Variants in ANLN observed in about 807,000 individuals in gnomAD.
ANLN encodes anillin, actin binding protein.
A neutral mutation model predicts 135.1 loss-of-function variants in ANLN; 59 were observed. The observed-to-expected ratio is 0.44, with a 90% CI of 0.35 to 0.54. The LOEUF is 0.54. ANLN is among the 20% of genes least tolerant of loss of function. ANLN has a pLI of 0.00. For missense variants in ANLN, 1,182 were observed against 1,340.0 expected, an observed-to-expected ratio of 0.88 and a Z score of 1.84; for synonymous variants, 406 against 456.4, an observed-to-expected ratio of 0.89 and a Z score of 1.41.
At chr7:36,433,538 G>C (rs1788412272) in intron 20 of ANLN, among the ~76,000 whole-genome samples, 1 of 151,840 alleles carries the variant, frequency 6.6e-6, no homozygotes, top group South Asian at 2.1e-4. Flanking sequence ...TATCCTGTTT[G>C]GTTTCACTGA....
In ANLN at chr7:36,400,069, C is replaced by T. The variant is rs780885608; in HGVS notation, c.487+676C>T. Among the ~76,000 whole-genome samples, 6 of 151,108 alleles carry T rather than the reference C, an allele frequency of 4.0e-5. No individual in the cohort carries two copies. In the East Asian group the frequency reaches 5.8e-4, roughly 15 times the overall value. On this transcript the variant is annotated intron_variant, in intron 3 of 23. Coordinates refer to ENST00000265748, the MANE Select transcript of ANLN (RefSeq NM_018685.5). Reference sequence around the variant, plus strand: ...ATGAAGTCAAGGTGAAGAGAAAATACGGGAAGGGAAAACAAAGAAGTGAAA... The same window carrying T: ...ATGAAGTCAAGGTGAAGAGAAAATATGGGAAGGGAAAACAAAGAAGTGAAA...
At chr7:36,425,841 A>C (rs1583632558) in intron 18 of ANLN, 101 bp downstream of exon 18, 5 of 1,313,630 alleles carry the variant, frequency 3.8e-6, no homozygotes, top group Non-Finnish European at 5.4e-6. Context: ...AGCACTGTGG[A>C]AAATTTTAAC....
At chr7:36,412,222 G>A (rs1454498241) in intron 7 of ANLN, among the ~76,000 whole-genome samples, 1 of 149,990 alleles carries the variant, frequency 6.7e-6, no homozygotes, top group Non-Finnish European at 1.5e-5. Context: ...TGCTATTACC[G>A]AAGTTACTGC....
intron 1 of ANLN, among the ~76,000 whole-genome samples, chr7:36,391,421 G>A (rs1786456403): frequency 6.6e-6 from 1 of 152,188 alleles, no homozygotes. Flanking sequence ...TCTGAAGGTA[G>A]TACAAATCTC....
At chr7:36,405,998 C>T (rs551763253) in intron 3 of ANLN, among the ~76,000 whole-genome samples, 183 bp from the exon 4 acceptor site, 5 of 152,028 alleles carry the variant, frequency 3.3e-5, no homozygotes, top group South Asian at 2.1e-4. Context: ...GATTTAATAT[C>T]ATTTGATTTA....
In ANLN at chr7:36,399,218, G is replaced by A; in HGVS notation, c.312G>A (p.Gln104=). The stretch of plus-strand genomic sequence containing the variant: ...GTTCTCCAAGTCCTGTGTCTCCTCA[G>A]GTGCAGCCACAAGCAGCAGATACCA... ...KSCSPSPVSP[Q]VQPQAADTIS... is the part of the protein sequence containing the mutation. The change falls in exon 3 of 24, where the codon CAG becomes CAA. Residue 104 remains glutamine, a synonymous_variant. Coordinates refer to ENST00000265748, the MANE Select transcript of ANLN (RefSeq NM_018685.5). The A allele has an allele frequency of 4.3e-6, 7 of 1,614,150 alleles. No individual in the cohort carries two copies. The highest frequency in any genetic ancestry group is 5.9e-6 in the Non-Finnish European group (7 of 1,180,030).
chr7:36,431,616 TA>T (rs72244955), intron 20 of ANLN, among the ~76,000 whole-genome samples: 16,124 of 57,158 alleles, frequency 0.28, 2,367 homozygotes, highest in Non-Finnish European at 0.34. Context: ...TATATATATA[TA>T]ATATATATAT....
chr7:36,408,618 A>G (rs550398238), intron 5 of ANLN, among the ~76,000 whole-genome samples: 4 of 152,316 alleles, frequency 2.6e-5, no homozygotes, highest in South Asian at 4.1e-4. Flanking sequence ...GAAGTATACA[A>G]TAGATTATTG....
chr7:36,446,183 A>G (rs1788991121), intron 22 of ANLN, among the ~76,000 whole-genome samples: 1 of 152,256 alleles, frequency 6.6e-6, no homozygotes, highest in East Asian at 1.9e-4. Flanking sequence ...CTGCTAGTCT[A>G]TTGCTTTGTG....
intron 8 of ANLN, 30 bp downstream of exon 8, chr7:36,415,914 T>C: frequency 6.6e-7 from 1 of 1,513,712 alleles, no homozygotes; most frequent in Non-Finnish European, 8.9e-7. Context: ...TCATGGTTAG[T>C]ATGTAGAAAC....
intron 22 of ANLN, among the ~76,000 whole-genome samples, chr7:36,447,824 G>A (rs866373109): frequency 6.6e-6 from 1 of 152,066 alleles, no homozygotes; most frequent in South Asian, 2.1e-4. Context: ...TTTGTTTCTA[G>A]AATTTTTCTT....
intron 19 of ANLN, 61 bp from the exon 20 acceptor site, chr7:36,426,855 T>C: frequency 9.9e-7 from 1 of 1,013,468 alleles, no homozygotes; most frequent in Admixed American, 2.7e-5. Flanking sequence ...GGGTGAGGAA[T>C]TGTTACTTAT....
Position 36,396,340 on chromosome 7 carries a change from A to G in ANLN, c.93A>G (p.Pro31=). 6.2e-7 allele frequency: 1 copy of G among 1,610,412 alleles called. No homozygotes were observed. The highest frequency in any genetic ancestry group is 8.5e-7 in the Non-Finnish European group (1 of 1,177,240). The part of the protein sequence containing the change: ...RKMAERPTAA[P]RSMTHAKRAR... ...TGGCTGAGAGGCCCACAGCAGCTCC[A>G]AGGTCTATGACTCATGCTAAGCGAG... Residue 31 remains proline, a synonymous_variant, in exon 2 of 24, where the codon CCA becomes CCG. Coordinates refer to ENST00000265748, the MANE Select transcript of ANLN (RefSeq NM_018685.5).
At chr7:36,438,850 G>A (rs961911852) in intron 20 of ANLN, among the ~76,000 whole-genome samples, 2 of 152,108 alleles carry the variant, frequency 1.3e-5, no homozygotes, top group African/African-American at 4.8e-5. Flanking sequence ...TTTATTGCTG[G>A]GTGGTATTGT....
intron 6 of ANLN, 81 bp from the exon 7 acceptor site, chr7:36,410,978 A>G (rs1787389069): frequency 1.5e-6 from 2 of 1,355,646 alleles, no homozygotes; most frequent in Non-Finnish European, 2.0e-6. Context: ...TTAAAACTGC[A>G]AACAAGGAAA....
Position 36,397,918 on chromosome 7 carries a change from GA to G in ANLN, c.173-1154del, listed in dbSNP as rs540691923. Among the ~76,000 whole-genome samples the G allele has an allele frequency of 3.6e-4, 54 of 151,768 alleles. 1 individual carries two copies. In the South Asian group the frequency reaches 0.011, roughly 30 times the overall value. On this transcript the variant is annotated intron_variant, in intron 2 of 23. Transcript: ENST00000265748. ...AGAGTGAGGCCCTATCTCAAAAAAA[GA>G]AAAAAAGAGACATAAAAGTGGAGTG...
intron 5 of ANLN, among the ~76,000 whole-genome samples, chr7:36,408,716 C>G (rs1302247851): frequency 6.6e-6 from 1 of 152,150 alleles, no homozygotes; most frequent in Non-Finnish European, 1.5e-5. Context: ...ATCAACCTCT[C>G]TTCATCCCCC....
chr7:36,398,748 CT>C lies in ANLN; in HGVS notation c.173-327del, dbSNP rs534127237. Among the ~76,000 whole-genome samples, 13 of 152,126 alleles carry C rather than the reference CT, an allele frequency of 8.5e-5. No homozygotes were observed. The East Asian group carries it at 1.9e-3, about 23-fold the overall frequency. On this transcript the variant is annotated intron_variant, in intron 2 of 23. Coordinates refer to ENST00000265748, the MANE Select transcript of ANLN (RefSeq NM_018685.5). ...GTATACACTGCACCATATTTGTAGT[CT>C]TTTATCCCTCGCCCCCCTTCCGCTC...
At position 36,407,790 on chromosome 7, in the gene ANLN, G is replaced by A; in HGVS notation, c.930G>A (p.Glu310=). 6.2e-7 allele frequency: 1 copy of A among 1,613,768 alleles called. No individual in the cohort carries two copies. Among genetic ancestry groups the A allele is most frequent in the African/African-American group, 1.3e-5 (1 of 74,976 alleles). Residue 310 remains glutamate (E), a synonymous_variant, in exon 5 of 24, where the codon GAG becomes GAA. Transcript: ENST00000265748. ...TTSITDAKSC[E]GQNPELLPKT... is the part of the protein sequence containing the mutation. ...CTATCACTGATGCTAAAAGTTGTGA[G>A]GGACAAAATCCTGAGCTACTTCCAA...
Sources: gnomAD v4.1 joint callset for allele counts (sites outside exome capture counted in the v4.1 genomes callset) on GRCh38, gnomAD v4.1.1 for gene constraint, MANE v1.5 for transcripts, NCBI Gene and HGNC (gene_info 2026-07-23, HGNC 2026-07-21) for gene names.